MBOAT1: variants seen among roughly 807,000 people sequenced by gnomAD.
The protein encoded by MBOAT1 is membrane bound glycerophospholipid O-acyltransferase 1.
Under a neutral mutation model 64.4 loss-of-function variants are expected in MBOAT1, and 67 were observed. That is an observed-to-expected ratio of 1.04 (90% CI 0.85 to 1.27). MBOAT1 has a LOEUF of 1.27. MBOAT1 is among the 50% of genes most tolerant of loss of function. The pLI is 0.00. For missense variants in MBOAT1, 563 were observed against 604.6 expected (o/e 0.93, Z 0.72); for synonymous variants, 229 against 218.9 (o/e 1.05, Z -0.41).
chr6:20,129,469 G>A (rs1760754596), intron 5 of MBOAT1, among the ~76,000 whole-genome samples: 1 of 151,944 alleles, frequency 6.6e-6, no homozygotes, highest in Non-Finnish European at 1.5e-5. Flanking sequence ...AGCTAAGGCT[G>A]AGTAGGGTCA....
chr6:20,173,298 CA>C (rs1241400693), intron 1 of MBOAT1, among the ~76,000 whole-genome samples: 3 of 151,516 alleles, frequency 2.0e-5, no homozygotes, highest in African/African-American at 4.8e-5. Context: ...CCATATCACA[CA>C]AAACTGAAAC....
intron 4 of MBOAT1, among the ~76,000 whole-genome samples, chr6:20,143,515 A>G (rs1013676392): frequency 2.6e-5 from 4 of 152,188 alleles, no homozygotes; most frequent in African/African-American, 9.6e-5. Flanking sequence ...TGAAAACCCT[A>G]ACACAGGGAT....
chr6:20,141,359 C>CTTTCTTTTTTTTTTTTTTTT (rs1761168565), intron 4 of MBOAT1, among the ~76,000 whole-genome samples: 5 of 99,810 alleles, frequency 5.0e-5, no homozygotes, highest in African/African-American at 1.6e-4. Flanking sequence ...TTTTCTTTTT[C>CTTTCTTTTTTTTTTTTTTTT]TTTTTTTTTT....
chr6:20,110,604 TTC>T (rs1760109559), intron 11 of MBOAT1, among the ~76,000 whole-genome samples: 1 of 151,928 alleles, frequency 6.6e-6, no homozygotes, highest in African/African-American at 2.4e-5. Context: ...AAAAAAAAAT[TTC>T]TTTCTTTTTT....
At chr6:20,161,889 G>A (rs1420738911) in intron 1 of MBOAT1, among the ~76,000 whole-genome samples, 1 of 152,096 alleles carries the variant, frequency 6.6e-6, no homozygotes, top group African/African-American at 2.4e-5. Context: ...GGTGGGTTGG[G>A]GGGCAAAACA....
intron 11 of MBOAT1, among the ~76,000 whole-genome samples, chr6:20,111,859 C>CGT (rs1371697719): frequency 2.9e-4 from 32 of 108,592 alleles, no homozygotes; most frequent in African/African-American, 8.0e-4. Context: ...TATATATATA[C>CGT]ATATATATAC....
At chr6:20,188,203 C>G (rs1282453940) in intron 1 of MBOAT1, among the ~76,000 whole-genome samples, 3 of 152,196 alleles carry the variant, frequency 2.0e-5, no homozygotes, top group Non-Finnish European at 4.4e-5. Flanking sequence ...CATACACACA[C>G]ATAAAAGCTG....
chr6:20,208,791 A>G (rs925308614), intron 1 of MBOAT1, among the ~76,000 whole-genome samples: 4 of 152,236 alleles, frequency 2.6e-5, no homozygotes. Context: ...AAATACCCCA[A>G]AAATGCTTTG....
intron 1 of MBOAT1, among the ~76,000 whole-genome samples, chr6:20,180,472 C>G (rs1366171877): frequency 6.6e-6 from 1 of 152,134 alleles, no homozygotes; most frequent in Non-Finnish European, 1.5e-5. Context: ...GAGGGCCTAC[C>G]CAGTGGGGAC....
chr6:20,154,500 T>C (rs1346277159), intron 1 of MBOAT1, among the ~76,000 whole-genome samples: 2 of 151,990 alleles, frequency 1.3e-5, no homozygotes, highest in African/African-American at 4.8e-5. Flanking sequence ...ACCACTGCAC[T>C]CCAGCCTGGG....
chr6:20,122,880 G>A (rs375466922), intron 8 of MBOAT1, among the ~76,000 whole-genome samples: 13 of 151,894 alleles, frequency 8.6e-5, no homozygotes, highest in South Asian at 2.1e-4. Flanking sequence ...CATCCAGGCC[G>A]GAGTTCAGTG....
At chr6:20,175,419 C>T (rs1421490950) in intron 1 of MBOAT1, among the ~76,000 whole-genome samples, 6 of 151,650 alleles carry the variant, frequency 4.0e-5, no homozygotes, top group Non-Finnish European at 8.8e-5. Context: ...CCACTGAACC[C>T]AATTTGTCCT....
intron 11 of MBOAT1, among the ~76,000 whole-genome samples, chr6:20,111,835 C>CACATATATAT (rs1387125867): frequency 1.2e-5 from 1 of 86,788 alleles, no homozygotes; most frequent in African/African-American, 4.1e-5. Flanking sequence ...CATATATATA[C>CACATATATAT]ACATATATAT....
intron 11 of MBOAT1, 125 bp from the exon 12 acceptor site, chr6:20,109,874 G>GT (rs1760073493): frequency 5.8e-6 from 2 of 347,558 alleles, no homozygotes; most frequent in African/African-American, 4.9e-5. Context: ...CATCTGAGTT[G>GT]TATTTTCGAC....
chr6:20,196,486 T>G (rs1762958125), intron 1 of MBOAT1, among the ~76,000 whole-genome samples: 1 of 152,180 alleles, frequency 6.6e-6, no homozygotes, highest in Non-Finnish European at 1.5e-5. Context: ...GGAGGACTAC[T>G]AATGATCCAA....
intron 1 of MBOAT1, among the ~76,000 whole-genome samples, chr6:20,180,098 G>A (rs991828295): frequency 4.6e-5 from 7 of 152,070 alleles, no homozygotes; most frequent in Admixed American, 2.6e-4. Flanking sequence ...CACAAGAACC[G>A]GAAAAAGGCA....
chr6:20,102,098 G>A lies in MBOAT1; in HGVS notation c.*188C>T, dbSNP rs564609201. Reference sequence around the variant, plus strand: ...CCACTGCACTCCAGCCTGGGCGACAGAGCGAGACTCCGTCTCAAAAAAAAA... The same window carrying A: ...CCACTGCACTCCAGCCTGGGCGACAAAGCGAGACTCCGTCTCAAAAAAAAA... On this transcript the variant is annotated 3_prime_UTR_variant, in exon 13 of 13. Coordinates refer to ENST00000324607, the MANE Select transcript of MBOAT1 (RefSeq NM_001080480.3). 11 of 341,832 alleles carry A rather than the reference G, an allele frequency of 3.2e-5. No homozygotes were observed. In the East Asian group the frequency reaches 8.2e-4, roughly 26 times the overall value. The allele number at this position is 341,832 out of a possible 1,614,324, so 21.2% of individuals were successfully genotyped here.
intron 1 of MBOAT1, among the ~76,000 whole-genome samples, chr6:20,197,764 G>A (rs909996868): frequency 3.9e-5 from 6 of 152,088 alleles, no homozygotes; most frequent in East Asian, 3.9e-4. Context: ...GGTACATGTC[G>A]TCAGGACCCC....
intron 1 of MBOAT1, among the ~76,000 whole-genome samples, chr6:20,171,528 G>A (rs1762196441): frequency 6.6e-6 from 1 of 151,890 alleles, no homozygotes; most frequent in South Asian, 2.1e-4. Context: ...ACTCCAGCCT[G>A]CCAAGACCCT....
Sources: allele counts gnomAD v4.1 joint callset (sites outside exome capture counted in the v4.1 genomes callset), GRCh38; gene constraint gnomAD v4.1.1; transcripts MANE v1.5; gene names NCBI Gene and HGNC (gene_info 2026-07-23, HGNC 2026-07-21).